The following WWOX variants were observed in gnomAD, a reference collection of about 807,000 sequenced individuals.
The protein encoded by WWOX is WW domain containing oxidoreductase.
WWOX carries 69 observed loss-of-function variants against 46.2 expected under a neutral mutation model. The ratio of observed to expected loss-of-function variants is 1.49; its 90% CI spans 1.23 to 1.82. The LOEUF is 1.82. Among genes scored for constraint, WWOX ranks in the 40% most tolerant of loss-of-function variants. The pLI is 0.00. For missense variants in WWOX, 919 were observed against 542.6 expected, an observed-to-expected ratio of 1.69 and a Z score of -6.89; for synonymous variants, 359 against 202.6, an observed-to-expected ratio of 1.77 and a Z score of -6.56.
chr16:78,726,646 G>A (rs113372665), intron 8 of WWOX, among the ~76,000 whole-genome samples: 3,133 of 152,166 alleles, frequency 0.021, 106 homozygotes, highest in African/African-American at 0.071. Context: ...TGGAGGAAGG[G>A]AGTCAACTAA....
intron 8 of WWOX, among the ~76,000 whole-genome samples, chr16:78,674,578 C>T (rs2047546802): frequency 6.6e-6 from 1 of 152,150 alleles, no homozygotes; most frequent in East Asian, 1.9e-4. Flanking sequence ...AGCCACAGCA[C>T]CCAGCCAGAA....
chr16:78,442,630 G>C (rs985759696), intron 8 of WWOX, among the ~76,000 whole-genome samples: 3 of 152,098 alleles, frequency 2.0e-5, no homozygotes, highest in African/African-American at 7.2e-5. Flanking sequence ...TTCTCGTAAT[G>C]ATGGCACTGT....
chr16:78,555,168 TAAAA>T (rs10635594), intron 8 of WWOX, among the ~76,000 whole-genome samples: 1,969 of 128,414 alleles, frequency 0.015, 50 homozygotes, highest in African/African-American at 0.053. Flanking sequence ...TATGATTTTG[TAAAA>T]AAAAAAAAAA....
chr16:78,667,931 C>G (rs1308070896), intron 8 of WWOX, among the ~76,000 whole-genome samples: 2 of 152,116 alleles, frequency 1.3e-5, no homozygotes. Flanking sequence ...CCCGTCACAT[C>G]ACACTCTGTG....
intron 8 of WWOX, among the ~76,000 whole-genome samples, chr16:79,083,909 G>A (rs1057436966): frequency 8.5e-5 from 13 of 152,150 alleles, no homozygotes; most frequent in Non-Finnish European, 1.6e-4. Flanking sequence ...ATCTTCCTGC[G>A]GTGGGTTTCT....
At chr16:78,833,771 G>C (rs997294834) in intron 8 of WWOX, among the ~76,000 whole-genome samples, 1 of 152,232 alleles carries the variant, frequency 6.6e-6, no homozygotes, top group Admixed American at 6.5e-5. Flanking sequence ...TGAGGAAACT[G>C]AGGCATAAGA....
At position 78,311,457 on chromosome 16, in the gene WWOX, C is replaced by A. The variant is rs141840924; in HGVS notation, c.517-75403C>A. ...CTGTCACTTCCTTCACCCCCAGGAG[C>A]ACTGAAGCAGACACTGATTCCTCTG... On this transcript the variant is annotated intron_variant, in intron 5 of 8. Coordinates refer to ENST00000566780, the MANE Select transcript of WWOX (RefSeq NM_016373.4). 5.9e-5 allele frequency among the ~76,000 whole-genome samples: 9 copies of A among 152,326 alleles called. 1 individual carries two copies. The highest frequency in any genetic ancestry group is 1.9e-4 in the African/African-American group (8 of 41,584).
rs187214983 is a variant in WWOX, at chr16:78,876,031, G to C, written c.1057-335577G>C. On this transcript the variant is annotated intron_variant, in intron 8 of 8. Transcript: ENST00000566780. ...CACCCTCTCTTATTTTTATAAACAGGCTCCATGGTACTATATACACTGCAG... is the reference window on the plus strand; with the variant it reads ...CACCCTCTCTTATTTTTATAAACAGCCTCCATGGTACTATATACACTGCAG... 2.7e-3 allele frequency among the ~76,000 whole-genome samples: 410 copies of C among 152,046 alleles called. 5 individuals carry two copies. Among genetic ancestry groups the C allele is most frequent in the African/African-American group, 9.5e-3 (393 of 41,466 alleles).
intron 8 of WWOX, among the ~76,000 whole-genome samples, chr16:78,760,016 A>T (rs2049751658): frequency 6.6e-6 from 1 of 152,142 alleles, no homozygotes; most frequent in African/African-American, 2.4e-5. Context: ...CACCAGGCTC[A>T]TCCAGGATGT....
intron 8 of WWOX, among the ~76,000 whole-genome samples, chr16:78,869,798 CAG>C (rs920023769): frequency 2.6e-5 from 4 of 152,196 alleles, no homozygotes; most frequent in African/African-American, 9.7e-5. Context: ...CAAAAGCCAG[CAG>C]AGAGAAGACT....
At chr16:78,751,460 T>TATATATATATTTATCAGA (rs1218211160) in intron 8 of WWOX, among the ~76,000 whole-genome samples, 6 of 63,802 alleles carry the variant, frequency 9.4e-5, no homozygotes, top group African/African-American at 4.7e-4. Flanking sequence ...TTTATCAGAT[T>TATATATATATTTATCAGA]TTATATATAT....
intron 8 of WWOX, among the ~76,000 whole-genome samples, chr16:78,461,371 A>G (rs897362068): frequency 3.4e-5 from 5 of 149,024 alleles, no homozygotes; most frequent in African/African-American, 1.3e-4. Flanking sequence ...GAGAAAAAAC[A>G]AACAAACAAA....
At chr16:78,246,682 G>A (rs2037824926) in intron 5 of WWOX, among the ~76,000 whole-genome samples, 1 of 152,190 alleles carries the variant, frequency 6.6e-6, no homozygotes, top group African/African-American at 2.4e-5. Context: ...AAATGCCCGT[G>A]TTGATTTCTT....
intron 5 of WWOX, among the ~76,000 whole-genome samples, chr16:78,315,711 C>T (rs529891107): frequency 6.6e-6 from 1 of 152,168 alleles, no homozygotes; most frequent in East Asian, 1.9e-4. Flanking sequence ...ATTTCTTGTG[C>T]GCTAATGCCA....
chr16:78,258,904 G>A (rs962139374), intron 5 of WWOX, among the ~76,000 whole-genome samples: 4 of 152,224 alleles, frequency 2.6e-5, no homozygotes, highest in African/African-American at 9.6e-5. Context: ...CCACTTTACA[G>A]AGTTCACTTC....
chr16:79,141,700 G>T (rs189689825), intron 8 of WWOX, among the ~76,000 whole-genome samples: 4 of 151,244 alleles, frequency 2.6e-5, no homozygotes, highest in African/African-American at 9.8e-5. Flanking sequence ...TGACTCTCCA[G>T]TGCTTCTTGG....
chr16:78,477,452 A>G (rs1040052032), intron 8 of WWOX, among the ~76,000 whole-genome samples: 5 of 152,120 alleles, frequency 3.3e-5, no homozygotes, highest in Non-Finnish European at 7.4e-5. Flanking sequence ...TGTCCCAGAT[A>G]AAGTGCCATT....
intron 8 of WWOX, among the ~76,000 whole-genome samples, chr16:78,445,395 G>A (rs1230363267): frequency 2.0e-5 from 3 of 152,176 alleles, no homozygotes; most frequent in Non-Finnish European, 4.4e-5. Context: ...ATATTATTGA[G>A]CATCTAACAT....
At chr16:79,058,674 T>C (rs1347965634) in intron 8 of WWOX, among the ~76,000 whole-genome samples, 1 of 152,232 alleles carries the variant, frequency 6.6e-6, no homozygotes, top group Non-Finnish European at 1.5e-5. Context: ...AATCAACTAG[T>C]CCTTATTTTG....
Sources: allele counts gnomAD v4.1 joint callset (sites outside exome capture counted in the v4.1 genomes callset), GRCh38; gene constraint gnomAD v4.1.1; transcripts MANE v1.5; gene names NCBI Gene and HGNC (gene_info 2026-07-23, HGNC 2026-07-21).